Variants in TAFA4 observed in about 807,000 individuals in gnomAD.
TAFA4 encodes chemokine-like protein TAFA-4.
TAFA4 carries 20 observed loss-of-function variants against 21.1 expected under a neutral mutation model. That is an observed-to-expected ratio of 0.95 (90% CI 0.67 to 1.38). The LOEUF (loss-of-function observed/expected upper bound fraction) is 1.38. Ranked by LOEUF, TAFA4 falls within the 40% of genes most tolerant of loss-of-function variation. TAFA4 has a pLI of 0.00. For missense variants in TAFA4, 211 were observed against 180.9 expected (o/e 1.17, Z -0.95); for synonymous variants, 71 against 67.4 (o/e 1.05, Z -0.26).
At chr3:68,878,457 T>G (rs566015164) in intron 3 of TAFA4, among the ~76,000 whole-genome samples, 19 of 152,246 alleles carry the variant, frequency 1.2e-4, no homozygotes, top group South Asian at 8.3e-4. Context: ...TCCACAGGAG[T>G]TGAGTTTCTG....
At chr3:68,789,757 A>G (rs972347591) in intron 3 of TAFA4, among the ~76,000 whole-genome samples, 2 of 152,234 alleles carry the variant, frequency 1.3e-5, no homozygotes, top group African/African-American at 4.8e-5. Context: ...CGCAGTAGCC[A>G]CTGTAAAAAT....
chr3:68,810,889 A>G (rs1048426927), intron 3 of TAFA4, among the ~76,000 whole-genome samples: 6 of 152,100 alleles, frequency 3.9e-5, no homozygotes, highest in African/African-American at 1.4e-4. Context: ...GTGGGTCCCT[A>G]ATCCCCGAGT....
intron 3 of TAFA4, among the ~76,000 whole-genome samples, chr3:68,814,937 A>C (rs1386703720): frequency 1.3e-5 from 2 of 152,194 alleles, no homozygotes; most frequent in African/African-American, 2.4e-5. Context: ...CAGTAACCAA[A>C]ACAGCATGGT....
chr3:68,819,274 TAA>T (rs59090610), intron 3 of TAFA4, among the ~76,000 whole-genome samples: 2,113 of 109,106 alleles, frequency 0.019, 57 homozygotes, highest in African/African-American at 0.063. Flanking sequence ...TGTCTTTAAT[TAA>T]AAAAAAAAAA....
intron 3 of TAFA4, among the ~76,000 whole-genome samples, chr3:68,774,238 T>G (rs1490025911): frequency 1.3e-5 from 2 of 152,210 alleles, no homozygotes; most frequent in Non-Finnish European, 2.9e-5. Flanking sequence ...CAAGGCCAAA[T>G]GTTTATAGTA....
At chr3:68,902,898 C>T (rs555293337) in intron 1 of TAFA4, among the ~76,000 whole-genome samples, 52 of 152,136 alleles carry the variant, frequency 3.4e-4, no homozygotes, top group African/African-American at 1.2e-3. Context: ...ACCTGACAAC[C>T]CAAGTTAGTA....
intron 3 of TAFA4, among the ~76,000 whole-genome samples, chr3:68,830,307 T>C (rs1332583709): frequency 6.6e-6 from 1 of 152,238 alleles, no homozygotes; most frequent in Non-Finnish European, 1.5e-5. Context: ...TCTTTCCTGC[T>C]TTCTCTTGTG....
chr3:68,874,090 GAAA>G (rs371525016), intron 3 of TAFA4, among the ~76,000 whole-genome samples: 2,498 of 152,116 alleles, frequency 0.016, 21 homozygotes, highest in Non-Finnish European at 0.024. Flanking sequence ...CAACAGCTAA[GAAA>G]AAAACAGAGC....
chr3:68,774,326 G>A (rs1703010565), intron 3 of TAFA4, among the ~76,000 whole-genome samples: 1 of 152,130 alleles, frequency 6.6e-6, no homozygotes. Flanking sequence ...TTCTGTAAGA[G>A]ACTACATTTT....
intron 4 of TAFA4, among the ~76,000 whole-genome samples, chr3:68,745,439 C>T (rs923865323): frequency 6.6e-6 from 1 of 152,084 alleles, no homozygotes; most frequent in Non-Finnish European, 1.5e-5. Context: ...CGTTTAAAAG[C>T]CCCATGCTTC....
chr3:68,850,334 C>T (rs1704913553), intron 3 of TAFA4, among the ~76,000 whole-genome samples: 1 of 152,140 alleles, frequency 6.6e-6, no homozygotes, highest in African/African-American at 2.4e-5. Flanking sequence ...AGGGACACAG[C>T]AGGTAAATAA....
intron 3 of TAFA4, among the ~76,000 whole-genome samples, chr3:68,765,451 G>A (rs1437608268): frequency 6.6e-6 from 1 of 151,950 alleles, no homozygotes; most frequent in African/African-American, 2.4e-5. Context: ...AATATTTTAG[G>A]TGTTAAACTC....
chr3:68,882,157 AT>A (rs1404294998), intron 2 of TAFA4, among the ~76,000 whole-genome samples: 2 of 152,208 alleles, frequency 1.3e-5, no homozygotes, highest in African/African-American at 4.8e-5. Flanking sequence ...CTGTTTCAAA[AT>A]GGTTTTAAAC....
chr3:68,754,901 A>G (rs557530641), intron 3 of TAFA4, among the ~76,000 whole-genome samples: 2 of 152,162 alleles, frequency 1.3e-5, no homozygotes, highest in African/African-American at 4.8e-5. Flanking sequence ...CTGAGAACTT[A>G]CTAACCTTCT....
At chr3:68,847,463 G>A (rs1463103054) in intron 3 of TAFA4, among the ~76,000 whole-genome samples, 1 of 152,248 alleles carries the variant, frequency 6.6e-6, no homozygotes, top group African/African-American at 2.4e-5. Context: ...CTCTGTCGGG[G>A]TGGGATCCAC....
chr3:68,902,326 C>T (rs908045621), intron 1 of TAFA4, among the ~76,000 whole-genome samples: 2 of 152,140 alleles, frequency 1.3e-5, no homozygotes, highest in African/African-American at 4.8e-5. Flanking sequence ...TCTTCCCTCT[C>T]TTTTACCCAT....
Position 68,798,902 on chromosome 3 carries a change from G to A in TAFA4, c.131-45884C>T, listed in dbSNP as rs773973676. ...AAAATATGCAAATTTAAATTTCAGC[G>A]TGGTCATTGCAATTAAGTTTAAATA... On this transcript the variant is annotated intron_variant, in intron 3 of 5. Transcript: ENST00000295569. Among the ~76,000 whole-genome samples, 47 of 152,128 alleles carry A rather than the reference G, an allele frequency of 3.1e-4. 1 individual carries two copies. Among genetic ancestry groups the A allele is most frequent in the African/African-American group, 5.3e-4 (22 of 41,426 alleles).
intron 3 of TAFA4, among the ~76,000 whole-genome samples, chr3:68,852,143 G>C (rs1000968158): frequency 2.0e-5 from 3 of 152,188 alleles, no homozygotes; most frequent in East Asian, 1.9e-4. Context: ...ACTGACTCTT[G>C]CATCTCAAGA....
At chr3:68,877,811 T>C (rs2089569781) in intron 3 of TAFA4, among the ~76,000 whole-genome samples, 1 of 152,216 alleles carries the variant, frequency 6.6e-6, no homozygotes, top group South Asian at 2.1e-4. Flanking sequence ...GTTCCTGGAA[T>C]GCGAACCTTT....
Sources: allele counts gnomAD v4.1 joint callset (sites outside exome capture counted in the v4.1 genomes callset), GRCh38; gene constraint gnomAD v4.1.1; transcripts MANE v1.5; gene names NCBI Gene and HGNC (gene_info 2026-07-23, HGNC 2026-07-21).